The following NLGN1 variants were observed in gnomAD, a reference collection of about 807,000 sequenced individuals.
NLGN1 encodes neuroligin 1, also known as neuroligin-1.
Under a neutral mutation model 65.5 loss-of-function variants are expected in NLGN1, and 12 were observed. The ratio of observed to expected loss-of-function variants is 0.18; its 90% CI spans 0.12 to 0.30. NLGN1 has a LOEUF of 0.30. Among genes scored for constraint, NLGN1 ranks in the 10% least tolerant of loss-of-function variants. The pLI, the probability that NLGN1 is intolerant of heterozygous loss-of-function variation, is 1.00. For synonymous variants in NLGN1, 350 were observed against 359.5 expected, an observed-to-expected ratio of 0.97 and a Z score of 0.30; for missense variants, 750 against 1,007.1, an observed-to-expected ratio of 0.74 and a Z score of 3.46.
intron 4 of NLGN1, among the ~76,000 whole-genome samples, chr3:173,836,741 T>G (rs182841343): frequency 9.5e-4 from 144 of 152,284 alleles, no homozygotes; most frequent in Non-Finnish European, 1.1e-3. Context: ...CCCATCACCA[T>G]CCATGTGGCA....
intron 4 of NLGN1, among the ~76,000 whole-genome samples, chr3:173,886,802 G>T (rs1213364900): frequency 2.0e-5 from 3 of 151,992 alleles, no homozygotes; most frequent in African/African-American, 2.4e-5. Context: ...TGCATGACCA[G>T]AGACTGCTGA....
At chr3:173,400,740 C>T (rs1222727536) in intron 1 of NLGN1, among the ~76,000 whole-genome samples, 1 of 152,036 alleles carries the variant, frequency 6.6e-6, no homozygotes, top group Non-Finnish European at 1.5e-5. Context: ...AGTGAATTGC[C>T]AGAGATCAAA....
chr3:174,219,559 CT>C (rs1425958637), intron 4 of NLGN1, among the ~76,000 whole-genome samples: 6 of 152,088 alleles, frequency 3.9e-5, no homozygotes, highest in African/African-American at 1.4e-4. Context: ...AGATGATTAC[CT>C]GCTAAGCTTA....
At chr3:173,691,974 A>T (rs749173899) in intron 3 of NLGN1, among the ~76,000 whole-genome samples, 9 of 152,106 alleles carry the variant, frequency 5.9e-5, no homozygotes, top group Non-Finnish European at 1.3e-4. Context: ...TTTATAAAAG[A>T]ATACAAAATT....
chr3:173,807,694 G>A (rs746982705), exon 4 of NLGN1: 13 of 1,613,582 alleles, frequency 8.1e-6, no homozygotes, highest in Non-Finnish European at 1.1e-5. Flanking sequence ...TCGGGACAGT[G>A]GGGGTCCCAA....
chr3:173,714,268 C>T lies in NLGN1; in HGVS notation c.494-93412C>T, dbSNP rs182972124. Among the ~76,000 whole-genome samples, 5 of 152,186 alleles carry T rather than the reference C, an allele frequency of 3.3e-5. No individual in the cohort carries two copies. In the East Asian group the frequency reaches 9.7e-4, roughly 29 times the overall value. On this transcript the variant is annotated intron_variant, in intron 3 of 6. Transcript: ENST00000457714. ...CATTGGTAGCTACGATTCTGGTTAACCTCTCTGCTTCTTGATTTTCTCATC... is the reference window on the plus strand; with the variant it reads ...CATTGGTAGCTACGATTCTGGTTAATCTCTCTGCTTCTTGATTTTCTCATC...
intron 3 of NLGN1, among the ~76,000 whole-genome samples, chr3:173,795,391 C>T (rs924290238): frequency 3.9e-5 from 6 of 152,066 alleles, no homozygotes; most frequent in Admixed American, 2.0e-4. Context: ...TTCAGCTATG[C>T]TTTCTTTATA....
At chr3:174,171,670 C>T (rs1728556526) in intron 4 of NLGN1, among the ~76,000 whole-genome samples, 1 of 152,098 alleles carries the variant, frequency 6.6e-6, no homozygotes, top group South Asian at 2.1e-4. Context: ...AATACCAGCA[C>T]TACAAATCAT....
At chr3:173,935,909 A>G (rs1200659608) in intron 4 of NLGN1, among the ~76,000 whole-genome samples, 1 of 151,988 alleles carries the variant, frequency 6.6e-6, no homozygotes. Flanking sequence ...TTGAGACACC[A>G]AAGACCTACT....
At chr3:174,189,626 TG>T (rs1477612660) in intron 4 of NLGN1, among the ~76,000 whole-genome samples, 2 of 151,960 alleles carry the variant, frequency 1.3e-5, no homozygotes, top group Non-Finnish European at 2.9e-5. Context: ...TGCAGTGTAT[TG>T]TATTTTTTGC....
intron 4 of NLGN1, among the ~76,000 whole-genome samples, chr3:174,242,726 T>A (rs1743120969): frequency 6.6e-6 from 1 of 152,164 alleles, no homozygotes; most frequent in Non-Finnish European, 1.5e-5. Context: ...ATATAATTAT[T>A]ATGTATTACA....
Position 173,412,735 on chromosome 3 carries a change from G to A in NLGN1, c.-390+14248G>A, listed in dbSNP as rs904636542. Among the ~76,000 whole-genome samples the A allele has an allele frequency of 3.9e-5, 6 of 152,228 alleles. No homozygotes were observed. The South Asian group carries it at 8.3e-4, about 21-fold the overall frequency. ...TCTTTGAACAACCACAAAAAAAGCC[G>A]TATTCTTAGTACTGCTCAGCCTTCC... On this transcript the variant is annotated intron_variant, in intron 1 of 6. Coordinates refer to ENST00000457714, the Ensembl canonical transcript of NLGN1.
chr3:173,852,224 C>T (rs1248073951), intron 4 of NLGN1, among the ~76,000 whole-genome samples: 2 of 150,464 alleles, frequency 1.3e-5, no homozygotes, highest in Non-Finnish European at 3.0e-5. Context: ...GGCGTGGTAG[C>T]GGGCGCCTGT....
At chr3:173,740,309 T>C (rs748622354) in intron 3 of NLGN1, among the ~76,000 whole-genome samples, 2 of 152,120 alleles carry the variant, frequency 1.3e-5, no homozygotes, top group African/African-American at 2.4e-5. Context: ...AGTCAAATCA[T>C]ACATTAGGGA....
At chr3:174,244,020 C>T (rs1399990020) in intron 4 of NLGN1, among the ~76,000 whole-genome samples, 2 of 152,176 alleles carry the variant, frequency 1.3e-5, no homozygotes, top group Non-Finnish European at 2.9e-5. Context: ...ATTTGCTTTA[C>T]TTCTGATTCA....
chr3:173,956,802 C>A (rs1037348681), intron 4 of NLGN1, among the ~76,000 whole-genome samples: 2 of 152,122 alleles, frequency 1.3e-5, no homozygotes, highest in Non-Finnish European at 2.9e-5. Context: ...TAAATATAAT[C>A]TTCCCACTCA....
At chr3:173,447,034 G>A (rs372667377) in intron 2 of NLGN1, among the ~76,000 whole-genome samples, 10 of 152,014 alleles carry the variant, frequency 6.6e-5, no homozygotes, top group African/African-American at 1.9e-4. Flanking sequence ...CTCTGATGGT[G>A]GTTTCTTTTG....
chr3:173,437,625 T>A (rs1247014877), intron 2 of NLGN1, among the ~76,000 whole-genome samples: 1 of 152,182 alleles, frequency 6.6e-6, no homozygotes, highest in Non-Finnish European at 1.5e-5. Context: ...TTTCCTCTCA[T>A]TTGACTACCA....
chr3:173,795,306 A>G (rs1713801916), intron 3 of NLGN1, among the ~76,000 whole-genome samples: 1 of 152,146 alleles, frequency 6.6e-6, no homozygotes, highest in South Asian at 2.1e-4. Context: ...TTAGTTTAGC[A>G]TAATACAAAC....
Sources: gnomAD v4.1 joint callset for allele counts (sites outside exome capture counted in the v4.1 genomes callset) on GRCh38, gnomAD v4.1.1 for gene constraint, MANE v1.5 for transcripts, NCBI Gene and HGNC (gene_info 2026-07-23, HGNC 2026-07-21) for gene names.